SNX2: variants seen among roughly 807,000 people sequenced by gnomAD.
The protein encoded by SNX2 is sorting nexin-2.
SNX2 carries 25 observed loss-of-function variants against 69.9 expected under a neutral mutation model. The observed-to-expected ratio is 0.36, with a 90% CI of 0.26 to 0.50. The LOEUF (loss-of-function observed/expected upper bound fraction) is 0.50, where lower values mean the gene tolerates loss of function less well. Ranked by LOEUF, SNX2 falls within the 20% of genes least tolerant of loss-of-function variation. The probability of loss-of-function intolerance (pLI) is 0.97; values close to 1 mark genes in which losing one functional copy is unlikely to be tolerated. For synonymous variants in SNX2, 229 were observed against 200.4 expected (o/e 1.14, Z -1.20); for missense variants, 551 against 613.3 (o/e 0.90, Z 1.07).
intron 1 of SNX2, among the ~76,000 whole-genome samples, chr5:122,790,309 CG>C (rs1561446688): frequency 6.6e-5 from 10 of 152,178 alleles, no homozygotes. Context: ...TTAATAGAGA[CG>C]GGGTTTCTCC....
Position 122,792,897 on chromosome 5 carries a change from A to G in SNX2, c.109-2369A>G, listed in dbSNP as rs528084020. Among the ~76,000 whole-genome samples, 11 of 152,326 alleles carry G rather than the reference A, an allele frequency of 7.2e-5. No homozygotes were observed. In the South Asian group the frequency reaches 2.3e-3, roughly 32 times the overall value. ...AAATTGCTCACCATCATTACTTATCATGGAAATGCAAATTCAGAACACAAT... is the reference window on the plus strand; with the variant it reads ...AAATTGCTCACCATCATTACTTATCGTGGAAATGCAAATTCAGAACACAAT... On this transcript the variant is annotated intron_variant, in intron 1 of 14. Coordinates refer to ENST00000379516, the MANE Select transcript of SNX2 (RefSeq NM_003100.4).
chr5:122,792,893 TATC>T (rs1330036405), intron 1 of SNX2, among the ~76,000 whole-genome samples: 3 of 152,152 alleles, frequency 2.0e-5, no homozygotes, highest in Admixed American at 1.3e-4. Context: ...CATCATTACT[TATC>T]ATGGAAATGC....
At chr5:122,808,415 T>C in intron 7 of SNX2, 60 bp downstream of exon 7, 3 of 1,216,762 alleles carry the variant, frequency 2.5e-6, no homozygotes, top group South Asian at 2.8e-5. Context: ...TAAATGTAAT[T>C]CCATTATATG....
chr5:122,792,152 A>G (rs1306123372), intron 1 of SNX2, among the ~76,000 whole-genome samples: 3 of 152,246 alleles, frequency 2.0e-5, no homozygotes, highest in Non-Finnish European at 4.4e-5. Context: ...GAGAAAAGAA[A>G]GCCTCTTTAA....
At chr5:122,827,820 TG>T in intron 14 of SNX2, 174 bp downstream of exon 14, 4 of 520,448 alleles carry the variant, frequency 7.7e-6, no homozygotes, top group South Asian at 2.5e-5. Context: ...CTATCTCACG[TG>T]TTTTTTTTTT....
chr5:122,826,997 A>G (rs1007641460), intron 12 of SNX2, among the ~76,000 whole-genome samples: 1 of 152,104 alleles, frequency 6.6e-6, no homozygotes, highest in Non-Finnish European at 1.5e-5. Flanking sequence ...CAGTATTGAT[A>G]TATTCTGAAA....
chr5:122,793,498 G>C (rs540244630), intron 1 of SNX2, among the ~76,000 whole-genome samples: 35 of 152,236 alleles, frequency 2.3e-4, no homozygotes, highest in African/African-American at 7.0e-4. Context: ...TGATGGTAAT[G>C]GTCTTTCATG....
intron 8 of SNX2, 40 bp from the exon 9 acceptor site, chr5:122,816,872 CTTT>C (rs762401154): frequency 7.5e-5 from 92 of 1,229,656 alleles, no homozygotes; most frequent in Non-Finnish European, 9.4e-5. Context: ...AACCTCCAGG[CTTT>C]TAACCGGTTT....
chr5:122,787,863 A>G (rs559178821), intron 1 of SNX2, among the ~76,000 whole-genome samples: 2 of 152,348 alleles, frequency 1.3e-5, no homozygotes, highest in East Asian at 1.9e-4. Flanking sequence ...ATATGTTGCA[A>G]ATAGTTTACA....
At chr5:122,815,392 C>CTAATTG (rs1269274304) in intron 7 of SNX2, among the ~76,000 whole-genome samples, 2 of 152,030 alleles carry the variant, frequency 1.3e-5, no homozygotes, top group Non-Finnish European at 2.9e-5. Flanking sequence ...AGGACTAAAG[C>CTAATTG]TAATTGTGAT....
intron 5 of SNX2, 91 bp downstream of exon 5, chr5:122,802,215 T>C: frequency 8.9e-7 from 1 of 1,124,392 alleles, no homozygotes; most frequent in Non-Finnish European, 1.3e-6. Context: ...GTGATCCCTG[T>C]CTTTATAAAG....
chr5:122,826,837 T>C (rs868745524), intron 12 of SNX2, among the ~76,000 whole-genome samples: 37 of 152,040 alleles, frequency 2.4e-4, no homozygotes, highest in Admixed American at 5.2e-4. Flanking sequence ...TTATTGATGG[T>C]CTTCAGTAGA....
At chr5:122,789,787 A>G (rs913833609) in intron 1 of SNX2, among the ~76,000 whole-genome samples, 3 of 152,188 alleles carry the variant, frequency 2.0e-5, no homozygotes, top group Non-Finnish European at 4.4e-5. Context: ...TCAGGACAAA[A>G]CTATTAGAGA....
rs769326799 is a variant in SNX2, at chr5:122,827,364, CTTTGT to C, written c.1357-11_1357-7del. 1 of 1,605,138 alleles carries C rather than the reference CTTTGT, an allele frequency of 6.2e-7. No individual in the cohort carries two copies. The highest frequency in any genetic ancestry group is 1.1e-5 in the South Asian group (1 of 90,688). ...TTTTTGAGATAAGCATAAAATATTT[CTTTGT>C]TTTTATTAGTGGGAGGCGAAAGTGC... On this transcript the variant is annotated splice_polypyrimidine_tract_variant and intron_variant, in intron 12 of 14. Transcript: ENST00000379516.
At chr5:122,784,580 C>T (rs562048103) in intron 1 of SNX2, among the ~76,000 whole-genome samples, 22 of 151,784 alleles carry the variant, frequency 1.4e-4, no homozygotes, top group Non-Finnish European at 2.9e-4. Context: ...ATCAGCGTTG[C>T]ATTCTTGGGA....
rs780412521 is a variant in SNX2 at position 122,829,798 on chromosome 5, ACACACACACACACT to A, written c.*152_*165del. ...TATACACACACACACACACACACAC[ACACACACACACACT>A]CTGACATTTTATTACAAGCTGCATG... On this transcript the variant is annotated 3_prime_UTR_variant, in exon 15 of 15. Coordinates refer to ENST00000379516, the MANE Select transcript of SNX2 (RefSeq NM_003100.4). The A allele has an allele frequency of 9.2e-6, 5 of 544,612 alleles. No homozygotes were observed. Among genetic ancestry groups the A allele is most frequent in the South Asian group, 2.3e-5 (1 of 44,400 alleles). 33.7% of individuals were successfully genotyped at this position (544,612 alleles called of 1,614,324 possible). A position where few individuals can be genotyped will look rare whatever the true frequency, so the allele number is the denominator to read the frequency against.
intron 14 of SNX2, 124 bp from the exon 15 acceptor site, chr5:122,829,474 G>C: frequency 1.5e-6 from 1 of 661,950 alleles, no homozygotes; most frequent in Non-Finnish European, 2.6e-6. Flanking sequence ...CAAAGTGCTG[G>C]AATTATAGGT....
At chr5:122,795,162 C>T in intron 1 of SNX2, 104 bp from the exon 2 acceptor site, 1 of 717,746 alleles carries the variant, frequency 1.4e-6, no homozygotes, top group Non-Finnish European at 2.4e-6. Flanking sequence ...TTGTTCTTTC[C>T]TCCATTCTTT....
At chr5:122,814,787 T>C (rs1581642153) in intron 7 of SNX2, among the ~76,000 whole-genome samples, 2 of 113,762 alleles carry the variant, frequency 1.8e-5, no homozygotes, top group South Asian at 5.7e-4. Context: ...TTTCACTCTG[T>C]CACCCAGACT....
Sources: gnomAD v4.1 joint callset for allele counts (sites outside exome capture counted in the v4.1 genomes callset) on GRCh38, gnomAD v4.1.1 for gene constraint, MANE v1.5 for transcripts, NCBI Gene and HGNC (gene_info 2026-07-23, HGNC 2026-07-21) for gene names.